The following ZNF618 variants were observed in gnomAD, a reference collection of about 807,000 sequenced individuals.
The protein encoded by ZNF618 is neural precursor cell expressed, developmentally down-regulated 10.
A neutral mutation model predicts 103.0 loss-of-function variants in ZNF618; 34 were observed. The ratio of observed to expected loss-of-function variants is 0.33; its 90% CI spans 0.25 to 0.44. The LOEUF is 0.44. Ranked by LOEUF, ZNF618 falls within the 20% of genes least tolerant of loss-of-function variation. The probability of loss-of-function intolerance (pLI) is 1.00; values close to 1 mark genes in which losing one functional copy is unlikely to be tolerated. For synonymous variants in ZNF618, 551 were observed against 542.2 expected (o/e 1.02, Z -0.23); for missense variants, 1,059 against 1,295.4 (o/e 0.82, Z 2.80).
chr9:113,999,506 C>T (rs543507694), intron 4 of ZNF618, among the ~76,000 whole-genome samples: 8 of 152,286 alleles, frequency 5.3e-5, no homozygotes, highest in South Asian at 4.1e-4. Context: ...AGGAGCCAGC[C>T]GAGGAGAGGC....
At position 113,916,160 on chromosome 9, in the gene ZNF618, T is replaced by C. The variant is rs1191815932; in HGVS notation, c.33+39747T>C. On this transcript the variant is annotated intron_variant, in intron 1 of 14. Coordinates refer to ENST00000374126, the MANE Select transcript of ZNF618 (RefSeq NM_001318042.2). ...GGGCAGGAACACCCGAAAGCTTTTTTTGCAACAGCTCTGTGAAATATTGAT... is the reference window on the plus strand; with the variant it reads ...GGGCAGGAACACCCGAAAGCTTTTTCTGCAACAGCTCTGTGAAATATTGAT... Among the ~76,000 whole-genome samples, 6 of 152,152 alleles carry C rather than the reference T, an allele frequency of 3.9e-5. No individual in the cohort carries two copies. In the East Asian group the frequency reaches 9.7e-4, roughly 24 times the overall value.
intron 3 of ZNF618, among the ~76,000 whole-genome samples, chr9:113,993,702 A>T (rs775190251): frequency 5.3e-5 from 8 of 152,184 alleles, no homozygotes; most frequent in Non-Finnish European, 7.3e-5. Context: ...CCGTGGAGGG[A>T]ATGAGTGACC....
intron 2 of ZNF618, among the ~76,000 whole-genome samples, chr9:113,987,979 G>A (rs1313241584): frequency 1.3e-5 from 2 of 152,184 alleles, no homozygotes; most frequent in Non-Finnish European, 2.9e-5. Flanking sequence ...GCCCTTTTAG[G>A]TCACTTGTAA....
At chr9:114,024,323 T>A (rs1185162580) in intron 10 of ZNF618, among the ~76,000 whole-genome samples, 1 of 152,242 alleles carries the variant, frequency 6.6e-6, no homozygotes, top group African/African-American at 2.4e-5. Flanking sequence ...TTTTCATCTT[T>A]CCTTGTCATT....
chr9:113,902,912 C>T (rs533717302), intron 1 of ZNF618, among the ~76,000 whole-genome samples: 1 of 152,194 alleles, frequency 6.6e-6, no homozygotes, highest in African/African-American at 2.4e-5. Context: ...ACTGTCCCCC[C>T]TCACCCCAAA....
intron 12 of ZNF618, 71 bp downstream of exon 12, chr9:114,032,799 G>A (rs1026918589): frequency 3.0e-5 from 41 of 1,379,494 alleles, no homozygotes; most frequent in South Asian, 4.6e-5. Flanking sequence ...TGGCAGCCGC[G>A]GCAGCATCCT....
chr9:113,917,391 C>T (rs1387524874), intron 1 of ZNF618, among the ~76,000 whole-genome samples: 1 of 151,532 alleles, frequency 6.6e-6, no homozygotes, highest in East Asian at 1.9e-4. Flanking sequence ...GGACTACAGG[C>T]GTGTGCCACC....
intron 1 of ZNF618, among the ~76,000 whole-genome samples, chr9:113,951,462 T>TAG (rs1261843244): frequency 2.2e-5 from 2 of 89,660 alleles, no homozygotes; most frequent in Non-Finnish European, 4.6e-5. Context: ...TATATATACA[T>TAG]ATATGTGTGT....
At chr9:113,945,882 G>A (rs776339531) in intron 1 of ZNF618, among the ~76,000 whole-genome samples, 14 of 152,324 alleles carry the variant, frequency 9.2e-5, no homozygotes, top group East Asian at 7.7e-4. Context: ...GATGAAAGGC[G>A]TGATATAAAT....
At chr9:113,964,122 G>A (rs980832044) in intron 1 of ZNF618, among the ~76,000 whole-genome samples, 11 of 152,082 alleles carry the variant, frequency 7.2e-5, no homozygotes, top group Non-Finnish European at 1.3e-4. Flanking sequence ...TAGCTGAGGC[G>A]CCATCTTGGA....
intron 1 of ZNF618, among the ~76,000 whole-genome samples, chr9:113,948,078 A>G (rs1162955179): frequency 6.6e-6 from 1 of 152,178 alleles, no homozygotes; most frequent in Non-Finnish European, 1.5e-5. Context: ...CTGGGAACAG[A>G]GCAGCCTCCC....
chr9:114,001,858 C>T lies in ZNF618; in HGVS notation c.434-138C>T, dbSNP rs557220424. The T allele has an allele frequency of 4.7e-4, 352 of 752,498 alleles. 1 individual carries two copies. In the South Asian group the frequency reaches 4.8e-3, roughly 10 times the overall value. 46.6% of individuals were successfully genotyped at this position (752,498 alleles called of 1,614,324 possible). A position where few individuals can be genotyped will look rare whatever the true frequency, so the allele number is the denominator to read the frequency against. ...GACCCAGGCCTCGTGACTTCTAGCTCGGTGCTGCCTCCTTGCCAGGGACCA... is the reference window on the plus strand; with the variant it reads ...GACCCAGGCCTCGTGACTTCTAGCTTGGTGCTGCCTCCTTGCCAGGGACCA... On this transcript the variant is annotated intron_variant, in intron 4 of 14. Transcript: ENST00000374126.
intron 1 of ZNF618, among the ~76,000 whole-genome samples, chr9:113,902,289 G>A (rs1209361930): frequency 6.6e-6 from 1 of 152,198 alleles, no homozygotes; most frequent in Non-Finnish European, 1.5e-5. Context: ...AAGATTAAAT[G>A]AATTAATACA....
intron 1 of ZNF618, among the ~76,000 whole-genome samples, chr9:113,897,812 C>CG (rs1830169095): frequency 6.6e-6 from 1 of 152,100 alleles, no homozygotes; most frequent in Non-Finnish European, 1.5e-5. Context: ...TGTTTTGAGA[C>CG]GGAGTCTTGC....
At chr9:113,924,424 CT>C (rs869300538) in intron 1 of ZNF618, among the ~76,000 whole-genome samples, 218 of 67,190 alleles carry the variant, frequency 3.2e-3, no homozygotes, top group African/African-American at 5.8e-3. Context: ...TCTTCTTCTT[CT>C]TTTTTTTTTT....
At chr9:114,034,326 G>A (rs984339107) in intron 12 of ZNF618, among the ~76,000 whole-genome samples, 9 of 152,134 alleles carry the variant, frequency 5.9e-5, no homozygotes, top group Non-Finnish European at 1.2e-4. Context: ...GGCTGGAACC[G>A]AGGTCTCCAG....
At chr9:113,888,312 T>G (rs763417584) in intron 1 of ZNF618, among the ~76,000 whole-genome samples, 1 of 152,242 alleles carries the variant, frequency 6.6e-6, no homozygotes, top group Non-Finnish European at 1.5e-5. Context: ...CCATGGCGTC[T>G]GGGGAAGCTG....
Position 113,993,459 on chromosome 9 carries a change from A to G in ZNF618, c.338-4800A>G, listed in dbSNP as rs570626277. On this transcript the variant is annotated intron_variant, in intron 3 of 14. Coordinates refer to ENST00000374126, the MANE Select transcript of ZNF618 (RefSeq NM_001318042.2). ...GATGAAGATAAGGCAAGTTGGGTTTACAACAGTGAGAGCATCCAGCCCTTA... is the reference window on the plus strand; with the variant it reads ...GATGAAGATAAGGCAAGTTGGGTTTGCAACAGTGAGAGCATCCAGCCCTTA... Among the ~76,000 whole-genome samples, 6 of 152,282 alleles carry G rather than the reference A, an allele frequency of 3.9e-5. No individual in the cohort carries two copies. In the South Asian group the frequency reaches 1.2e-3, roughly 32 times the overall value.
intron 1 of ZNF618, among the ~76,000 whole-genome samples, chr9:113,901,931 G>A (rs1472791301): frequency 6.6e-6 from 1 of 152,082 alleles, no homozygotes; most frequent in Non-Finnish European, 1.5e-5. Context: ...ATCGCGCTGA[G>A]CATCTGTGGC....
Sources: gnomAD v4.1 joint callset for allele counts (sites outside exome capture counted in the v4.1 genomes callset) on GRCh38, gnomAD v4.1.1 for gene constraint, MANE v1.5 for transcripts, NCBI Gene and HGNC (gene_info 2026-07-23, HGNC 2026-07-21) for gene names.